The following USP35 variants were observed in gnomAD, a reference collection of about 807,000 sequenced individuals.
USP35 encodes ubiquitin specific peptidase 35.
USP35 carries 69 observed loss-of-function variants against 83.8 expected under a neutral mutation model. The observed-to-expected ratio is 0.82, with a 90% CI of 0.68 to 1.01. The LOEUF is 1.01. Ranked by LOEUF, USP35 falls within the 50% of genes least tolerant of loss-of-function variation. The probability of loss-of-function intolerance (pLI) is 0.00; values close to 1 mark genes in which losing one functional copy is unlikely to be tolerated. For synonymous variants in USP35, 714 were observed against 589.5 expected, an observed-to-expected ratio of 1.21 and a Z score of -3.06; for missense variants, 1,503 against 1,362.5, an observed-to-expected ratio of 1.10 and a Z score of -1.62.
chr11:78,199,862 C>T (rs1863285956), intron 4 of USP35, 138 bp downstream of exon 4: 2 of 1,371,604 alleles, frequency 1.5e-6, no homozygotes, highest in South Asian at 1.3e-5. Context: ...CACTGCCCCT[C>T]TCTGGGCCTC....
chr11:78,194,433 C>G (rs554148118), intron 1 of USP35, among the ~76,000 whole-genome samples: 10 of 152,354 alleles, frequency 6.6e-5, no homozygotes, highest in Non-Finnish European at 1.0e-4. Flanking sequence ...TGTCCACACT[C>G]TAGCTCCAGT....
chr11:78,210,700 G>T lies in USP35; in HGVS notation c.2845G>T (p.Asp949Tyr), dbSNP rs373899606. Reference sequence around the variant, plus strand: ...CCGGACAGAGCCCACCCTGCACAAGGACTTGATGGAAGCCATTTCCAAAGA... The same window carrying T: ...CCGGACAGAGCCCACCCTGCACAAGTACTTGATGGAAGCCATTTCCAAAGA... ...RVRTEPTLHKDLMEAISKDNI... is the reference protein window; with the variant it reads ...RVRTEPTLHKYLMEAISKDNI... Residue 949 changes from aspartate (D) to tyrosine (Y), a missense_variant, in exon 10 of 11, where the codon GAC (aspartate) becomes TAC (tyrosine). By Grantham distance (160) the Asp-to-Tyr change is radical. Transcript: ENST00000529308. 3.7e-5 allele frequency: 59 copies of T among 1,582,944 alleles called. No individual in the cohort carries two copies. The highest frequency in any genetic ancestry group is 4.4e-5 in the Non-Finnish European group (51 of 1,162,482).
chr11:78,226,610 G>A, the USP35 span: 3 of 1,611,504 alleles, frequency 1.9e-6, no homozygotes, highest in East Asian at 2.2e-5. Flanking sequence ...GCTTGGGGGG[G>A]CGGGGTGGGG....
At chr11:78,207,442 A>C in intron 7 of USP35, 88 bp from the exon 8 acceptor site, 9 of 1,341,116 alleles carry the variant, frequency 6.7e-6, no homozygotes, top group Non-Finnish European at 9.5e-6. Context: ...CCTTTGGCCT[A>C]GAGGCTCTGG....
At chr11:78,222,363 G>A in the USP35 span, among the ~76,000 whole-genome samples, 1 of 152,062 alleles carries the variant, frequency 6.6e-6, no homozygotes, top group Non-Finnish European at 1.5e-5. Flanking sequence ...CCATATTGAT[G>A]AGCCTTGAAG....
At position 78,196,543 on chromosome 11, in the gene USP35, G is replaced by A. The variant is rs1321286232; in HGVS notation, c.298G>A (p.Ala100Thr). The part of the protein sequence containing the change: ...QGGAGPPGPR[A>T]LACVQLGLQL... ...TGGCGCCGGCCCCCCGGGCCCCCGC[G>A]CGCTCGCCTGCGTGCAGCTGGGTCT... Residue 100 changes from alanine (A) to threonine (T), a missense_variant, in exon 2 of 11, where the codon GCG (alanine) becomes ACG (threonine). Transcript: ENST00000529308. This position sits in a 1 kb window ranked among gnomAD's most constrained non-coding sequence, Gnocchi z 4.8. 1.6e-6 allele frequency: 2 copies of A among 1,233,776 alleles called. No individual in the cohort carries two copies. Among genetic ancestry groups the A allele is most frequent in the African/African-American group, 1.6e-5 (1 of 61,294 alleles). The allele number at this position is 1,233,776 out of a possible 1,614,324, so 76.4% of individuals were successfully genotyped here.
intron 10 of USP35, among the ~76,000 whole-genome samples, chr11:78,211,718 C>T (rs546546653): frequency 1.1e-4 from 16 of 152,308 alleles, no homozygotes; most frequent in Admixed American, 3.9e-4. Flanking sequence ...ATTTTTCTTT[C>T]GTACGTTTGT....
chr11:78,208,254 C>T lies in USP35; in HGVS notation c.1486-603C>T, dbSNP rs190370752. Among the ~76,000 whole-genome samples the T allele has an allele frequency of 1.1e-4, 17 of 152,284 alleles. No homozygotes were observed. In the East Asian group the frequency reaches 2.5e-3, roughly 22 times the overall value. On this transcript the variant is annotated intron_variant, in intron 8 of 10. Coordinates refer to ENST00000529308, the MANE Select transcript of USP35 (RefSeq NM_020798.4). ...ACTGCTGCACTGGGGATTATGTTTC[C>T]AACACATGCTTTTTGGAGGACACAG...
chr11:78,196,428 C>A lies in USP35; in HGVS notation c.183C>A (p.Gly61=). The change falls in exon 2 of 11, where the codon GGC becomes GGA. Residue 61 remains glycine (G), a synonymous_variant. Transcript: ENST00000529308. The surrounding 1 kb of genome is among the most constrained non-coding windows in gnomAD (Gnocchi z 4.8). Reference sequence around the variant, plus strand: ...CGGAGGAGCTGCCGCGCCGCGTGGGCTGCCAGCTGCTGCACGTGGCCGGCC... The same window carrying A: ...CGGAGGAGCTGCCGCGCCGCGTGGGATGCCAGCTGCTGCACGTGGCCGGCC... ...GGAEELPRRV[G]CQLLHVAGRH... The A allele has an allele frequency of 1.6e-6, 2 of 1,285,680 alleles. No homozygotes were observed. The highest frequency in any genetic ancestry group is 2.0e-6 in the Non-Finnish European group (2 of 1,018,450). The allele number at this position is 1,285,680 out of a possible 1,614,324, so 79.6% of individuals were successfully genotyped here.
the USP35 span, chr11:78,225,069 C>T: frequency 6.0e-6 from 8 of 1,332,648 alleles, no homozygotes; most frequent in African/African-American, 7.3e-5. Flanking sequence ...TTTACCTAAC[C>T]AGGCCGGCCT....
the USP35 span, chr11:78,226,436 TCTGAGTCTCAGCTAGGAC>T: frequency 1.9e-6 from 3 of 1,548,030 alleles, no homozygotes; most frequent in African/African-American, 2.7e-5. Flanking sequence ...TCCTCCTCCC[TCTGAGTCTCAGCTAGGAC>T]TTATACTGAC....
chr11:78,237,104 C>T, the USP35 span, among the ~76,000 whole-genome samples: 2 of 152,314 alleles, frequency 1.3e-5, no homozygotes, highest in African/African-American at 2.4e-5. Context: ...TTCTGAAAGA[C>T]TGTGGGTAAG....
chr11:78,224,212 T>C, the USP35 span, among the ~76,000 whole-genome samples: 1 of 152,178 alleles, frequency 6.6e-6, no homozygotes, highest in Non-Finnish European at 1.5e-5. Context: ...TATAAAATAT[T>C]CTTGGTGACT....
chr11:78,218,056 T>A (rs867446656), downstream of USP35: 2 of 152,996 alleles, frequency 1.3e-5, no homozygotes, highest in African/African-American at 4.8e-5. Flanking sequence ...AAGGATTGCG[T>A]TGGGCACCCC....
chr11:78,196,694 G>A lies in USP35; in HGVS notation c.449G>A (p.Arg150His), dbSNP rs1380102851. Residue 150 changes from arginine to histidine, a missense_variant, in exon 2 of 11, where the codon CGC (arginine) becomes CAC (histidine). Transcript: ENST00000529308. This position sits in a 1 kb window ranked among gnomAD's most constrained non-coding sequence, Gnocchi z 4.8. Reference sequence around the variant, plus strand: ...GCGCAGGTGGCACGGCTGCTGGCTCGCCACCCGCGCTGTGTGCCCGACGGA... The same window carrying A: ...GCGCAGGTGGCACGGCTGCTGGCTCACCACCCGCGCTGTGTGCCCGACGGA... ...ACAQVARLLA[R>H]HPRCVPDGPH... is the part of the protein sequence containing the mutation. 63 of 1,494,050 alleles carry A rather than the reference G, an allele frequency of 4.2e-5. No homozygotes were observed. The highest frequency in any genetic ancestry group is 5.4e-5 in the Non-Finnish European group (61 of 1,128,464). 92.5% of individuals were successfully genotyped at this position (1,494,050 alleles called of 1,614,324 possible).
In USP35 at chr11:78,196,545, G is replaced by A; in HGVS notation, c.300G>A (p.Ala100=). The change falls in exon 2 of 11, where the codon GCG becomes GCA. Residue 100 remains alanine (A), a synonymous_variant. Transcript: ENST00000529308. The surrounding 1 kb of genome is among the most constrained non-coding windows in gnomAD (Gnocchi z 4.8). ...QGGAGPPGPR[A]LACVQLGLQL... is the part of the protein sequence containing the mutation. ...GCGCCGGCCCCCCGGGCCCCCGCGC[G>A]CTCGCCTGCGTGCAGCTGGGTCTGC... is the stretch of plus-strand genomic sequence containing the variant. The A allele has an allele frequency of 8.1e-7, 1 of 1,234,786 alleles. No individual in the cohort carries two copies. The highest frequency in any genetic ancestry group is 1.0e-6 in the Non-Finnish European group (1 of 981,954). The allele number at this position is 1,234,786 out of a possible 1,614,324, so 76.5% of individuals were successfully genotyped here. A position where few individuals can be genotyped will look rare whatever the true frequency, so the allele number is the denominator to read the frequency against.
At chr11:78,225,503 C>A in the USP35 span, among the ~76,000 whole-genome samples, 1 of 152,224 alleles carries the variant, frequency 6.6e-6, no homozygotes, top group Non-Finnish European at 1.5e-5. Context: ...CCCCAGCCAT[C>A]ACTTCTCTGA....
In USP35 at chr11:78,214,474, T is replaced by TCCCCCTTGTGGTTAACCACTTGC; in HGVS notation, c.*661_*662insCCCCCTTGTGGTTAACCACTTGC. 1 of 151,474 alleles carries TCCCCCTTGTGGTTAACCACTTGC rather than the reference T, an allele frequency of 6.6e-6. No individual in the cohort carries two copies. Among genetic ancestry groups the TCCCCCTTGTGGTTAACCACTTGC allele is most frequent in the South Asian group, 2.1e-4 (1 of 4,816 alleles). 9.4% of individuals were successfully genotyped at this position (151,474 alleles called of 1,614,324 possible). Reference sequence around the variant, plus strand: ...TCAGGGCCTGAGAAGCCACCACTTGTATCCCCCTTGTGGTTAGAGTCCTGA... The same window carrying TCCCCCTTGTGGTTAACCACTTGC: ...TCAGGGCCTGAGAAGCCACCACTTGTCCCCCTTGTGGTTAACCACTTGCATCCCCCTTGTGGTTAGAGTCCTGA... On this transcript the variant is annotated 3_prime_UTR_variant, in exon 11 of 11. Transcript: ENST00000529308.
chr11:78,208,655 G>T (rs898161859), intron 8 of USP35, among the ~76,000 whole-genome samples: 18 of 152,176 alleles, frequency 1.2e-4, no homozygotes, highest in Non-Finnish European at 1.5e-4. Flanking sequence ...TGAGCCCAAT[G>T]CCCTGCTCAG....
Sources: gnomAD v4.1 joint callset for allele counts (sites outside exome capture counted in the v4.1 genomes callset) on GRCh38, gnomAD v4.1.1 for gene constraint, Gnocchi (gnomAD v3.1) non-coding constraint, MANE v1.5 for transcripts, NCBI Gene and HGNC (gene_info 2026-07-23, HGNC 2026-07-21) for gene names.